Variants in CHST11 observed in about 807,000 individuals in gnomAD.
CHST11 encodes the protein C4S-1.
CHST11 carries 9 observed loss-of-function variants against 30.4 expected under a neutral mutation model. That is an observed-to-expected ratio of 0.30 (90% CI 0.18 to 0.52). The LOEUF is 0.52. Among genes scored for constraint, CHST11 ranks in the 20% least tolerant of loss-of-function variants. CHST11 has a pLI of 0.97. For synonymous variants in CHST11, 152 were observed against 187.8 expected, an observed-to-expected ratio of 0.81 and a Z score of 1.56; for missense variants, 348 against 460.6, an observed-to-expected ratio of 0.76 and a Z score of 2.24.
At chr12:104,708,627 C>T (rs2040057400) in intron 2 of CHST11, among the ~76,000 whole-genome samples, 1 of 152,174 alleles carries the variant, frequency 6.6e-6, no homozygotes, top group Non-Finnish European at 1.5e-5. Flanking sequence ...CCCTCCTAGC[C>T]AGCCCACCCC....
At chr12:104,732,785 T>C (rs2040267911) in intron 2 of CHST11, among the ~76,000 whole-genome samples, 3 of 152,234 alleles carry the variant, frequency 2.0e-5, no homozygotes, top group Admixed American at 1.3e-4. Context: ...AGATTCTTTT[T>C]GGCATCCTCC....
Position 104,691,489 on chromosome 12 carries a change from AT to A in CHST11, c.205-65443del, listed in dbSNP as rs527650779. Among the ~76,000 whole-genome samples, 929 of 136,964 alleles carry A rather than the reference AT, an allele frequency of 6.8e-3. 19 individuals carry two copies. In the East Asian group the frequency reaches 0.078, roughly 12 times the overall value. The allele number at this position is 136,964 out of a possible 152,430, so 89.9% of individuals were successfully genotyped here. A position where few individuals can be genotyped will look rare whatever the true frequency, so the allele number is the denominator to read the frequency against. Reference sequence around the variant, plus strand: ...GGAAACCAGGCACATTAGAGGCACAATTTTTTTTTTTTTTTTTGAGATGGAG... The same window carrying A: ...GGAAACCAGGCACATTAGAGGCACAATTTTTTTTTTTTTTTTGAGATGGAG... On this transcript the variant is annotated intron_variant, in intron 2 of 2. Transcript: ENST00000303694.
chr12:104,674,001 G>A (rs887817196), intron 2 of CHST11, among the ~76,000 whole-genome samples: 2 of 152,122 alleles, frequency 1.3e-5, no homozygotes, highest in Non-Finnish European at 1.5e-5. Flanking sequence ...CAGCTCTCCC[G>A]GCCTCTGTTG....
chr12:104,511,436 G>A (rs57177343), intron 1 of CHST11, among the ~76,000 whole-genome samples: 12,795 of 152,198 alleles, frequency 0.084, 1,051 homozygotes, highest in African/African-American at 0.22. Flanking sequence ...AGTCTTGCTG[G>A]CTTTCTTCTG....
intron 1 of CHST11, among the ~76,000 whole-genome samples, chr12:104,509,363 G>A (rs1396955122): frequency 2.0e-5 from 3 of 152,136 alleles, no homozygotes; most frequent in Admixed American, 2.0e-4. Context: ...CCAGTCTTGG[G>A]TATGTCTTTA....
At chr12:104,581,159 T>C (rs1297886831) in intron 1 of CHST11, among the ~76,000 whole-genome samples, 1 of 152,188 alleles carries the variant, frequency 6.6e-6, no homozygotes, top group Non-Finnish European at 1.5e-5. Flanking sequence ...AAATGGATGC[T>C]TCTTGCATCC....
intron 2 of CHST11, among the ~76,000 whole-genome samples, chr12:104,620,984 T>C (rs1316766065): frequency 1.3e-5 from 2 of 152,238 alleles, no homozygotes; most frequent in Admixed American, 6.5e-5. Context: ...CATGGCAAAT[T>C]GCTGCCATTT....
chr12:104,513,639 C>T (rs111969988), intron 1 of CHST11, among the ~76,000 whole-genome samples: 2 of 152,116 alleles, frequency 1.3e-5, no homozygotes, highest in South Asian at 2.1e-4. Flanking sequence ...GCAAGTTGAA[C>T]GACCATCTGT....
chr12:104,753,674 A>T (rs2040452610), intron 2 of CHST11, among the ~76,000 whole-genome samples: 1 of 152,240 alleles, frequency 6.6e-6, no homozygotes, highest in South Asian at 2.1e-4. Flanking sequence ...CCAGAAAAGA[A>T]TACATGGCCA....
At chr12:104,605,774 C>T (rs1182107396) in intron 2 of CHST11, among the ~76,000 whole-genome samples, 1 of 152,172 alleles carries the variant, frequency 6.6e-6, no homozygotes, top group Non-Finnish European at 1.5e-5. Context: ...CCGAGCACAT[C>T]TGCGGGCCGC....
At chr12:104,512,141 A>C (rs2037971611) in intron 1 of CHST11, among the ~76,000 whole-genome samples, 2 of 152,224 alleles carry the variant, frequency 1.3e-5, no homozygotes, top group South Asian at 4.1e-4. Context: ...AAGTTATAGA[A>C]GACTGAATGT....
At chr12:104,543,840 T>C (rs2038308337) in intron 1 of CHST11, among the ~76,000 whole-genome samples, 1 of 152,014 alleles carries the variant, frequency 6.6e-6, no homozygotes, top group Admixed American at 6.6e-5. Flanking sequence ...GCTAAAGATG[T>C]ATCTGAAGCA....
intron 2 of CHST11, among the ~76,000 whole-genome samples, chr12:104,680,197 T>C (rs2039781110): frequency 6.6e-6 from 1 of 152,148 alleles, no homozygotes; most frequent in African/African-American, 2.4e-5. Flanking sequence ...AGCAAATAGA[T>C]ATATAAGAAG....
chr12:104,464,265 G>C (rs1209154528), intron 1 of CHST11, among the ~76,000 whole-genome samples: 4 of 151,772 alleles, frequency 2.6e-5, no homozygotes, highest in Non-Finnish European at 5.9e-5. Flanking sequence ...ACTGGGTTTT[G>C]CCATGTTGGC....
intron 1 of CHST11, among the ~76,000 whole-genome samples, chr12:104,536,495 T>C (rs1795856): frequency 0.62 from 93,992 of 152,038 alleles, 29,680 homozygotes; most frequent in East Asian, 0.97. Context: ...AAATTTTGCA[T>C]GCCTTTGCTT....
chr12:104,534,334 C>G (rs2038215309), intron 1 of CHST11, among the ~76,000 whole-genome samples: 1 of 152,290 alleles, frequency 6.6e-6, no homozygotes, highest in Non-Finnish European at 1.5e-5. Flanking sequence ...GACCTTGACC[C>G]TGAAACCGTC....
rs562655078 is a variant in CHST11 at position 104,458,834 on chromosome 12, C to T, written c.118+1305C>T. Reference sequence around the variant, plus strand: ...TTTTGCCTCCCGCCTTCTCCTTTCACTGTGTATCTAACACTTTAAACAGAC... The same window carrying T: ...TTTTGCCTCCCGCCTTCTCCTTTCATTGTGTATCTAACACTTTAAACAGAC... On this transcript the variant is annotated intron_variant, in intron 1 of 2. Transcript: ENST00000303694. This position sits in a 1 kb window ranked among gnomAD's most constrained non-coding sequence, Gnocchi z 5.7. Among the ~76,000 whole-genome samples, 144 of 152,390 alleles carry T rather than the reference C, an allele frequency of 9.4e-4. No homozygotes were observed. Among genetic ancestry groups the T allele is most frequent in the African/African-American group, 3.1e-3 (131 of 41,596 alleles).
At chr12:104,749,028 GCT>G (rs1306734855) in intron 2 of CHST11, among the ~76,000 whole-genome samples, 1 of 152,204 alleles carries the variant, frequency 6.6e-6, no homozygotes, top group Admixed American at 6.5e-5. Flanking sequence ...CTTTTAGTAG[GCT>G]CTGCAGCCTC....
intron 1 of CHST11, among the ~76,000 whole-genome samples, chr12:104,527,870 G>A (rs867956653): frequency 4.6e-5 from 7 of 152,166 alleles, no homozygotes; most frequent in Admixed American, 2.6e-4. Context: ...AGCAAGGCAC[G>A]TCTTACATGG....
Sources: gnomAD v4.1 joint callset for allele counts (sites outside exome capture counted in the v4.1 genomes callset) on GRCh38, gnomAD v4.1.1 for gene constraint, Gnocchi (gnomAD v3.1) non-coding constraint, MANE v1.5 for transcripts, NCBI Gene and HGNC (gene_info 2026-07-23, HGNC 2026-07-21) for gene names.